The following EVI5 variants were observed in gnomAD, a reference collection of about 807,000 sequenced individuals.
The protein encoded by EVI5 is ecotropic viral integration site 5 protein homolog.
A neutral mutation model predicts 112.0 loss-of-function variants in EVI5; 73 were observed. The observed-to-expected ratio is 0.65, with a 90% CI of 0.54 to 0.79. EVI5 has a LOEUF of 0.79. Ranked by LOEUF, EVI5 falls within the 30% of genes least tolerant of loss-of-function variation. The pLI is 0.00. For synonymous variants in EVI5, 305 were observed against 319.9 expected (o/e 0.95, Z 0.50); for missense variants, 900 against 968.8 (o/e 0.93, Z 0.94).
intron 9 of EVI5, among the ~76,000 whole-genome samples, chr1:92,686,480 T>G (rs1292121810): frequency 6.6e-6 from 1 of 152,206 alleles, no homozygotes; most frequent in Non-Finnish European, 1.5e-5. Flanking sequence ...TTTGAAAACC[T>G]GCACAAGGCA....
intron 19 of EVI5, among the ~76,000 whole-genome samples, chr1:92,514,450 C>G (rs1418339592): frequency 6.6e-6 from 1 of 152,144 alleles, no homozygotes; most frequent in Admixed American, 6.6e-5. Context: ...GCCACCACAC[C>G]TGGCCTGTAA....
chr1:92,560,454 A>G (rs1365992786), intron 19 of EVI5, among the ~76,000 whole-genome samples: 1 of 152,232 alleles, frequency 6.6e-6, no homozygotes, highest in Non-Finnish European at 1.5e-5. Context: ...GGACCTAGGT[A>G]GTACCTACAT....
At chr1:92,688,411 TTGCTCTCTCAGGGGA>T (rs1333757605) in intron 9 of EVI5, among the ~76,000 whole-genome samples, 1 of 152,158 alleles carries the variant, frequency 6.6e-6, no homozygotes, top group Non-Finnish European at 1.5e-5. Context: ...TTTTCTTGCT[TTGCTCTCTCAGGGGA>T]TGCTCTCTCA....
chr1:92,587,818 A>G (rs1446422811), intron 18 of EVI5, among the ~76,000 whole-genome samples: 1 of 152,234 alleles, frequency 6.6e-6, no homozygotes, highest in Non-Finnish European at 1.5e-5. Flanking sequence ...CATTACTTGT[A>G]ACAAAGTGGC....
Position 92,583,599 on chromosome 1 carries a change from GA to G in EVI5, c.2071-19863del, listed in dbSNP as rs201592558. On this transcript the variant is annotated intron_variant, in intron 18 of 19. Coordinates refer to ENST00000684568, the MANE Select transcript of EVI5 (RefSeq NM_001350197.2). Reference sequence around the variant, plus strand: ...AATACAAAGAAATCTAAAATAGAAGGAAAAAATCAGAATAGGAATAAAATTT... The same window carrying G: ...AATACAAAGAAATCTAAAATAGAAGGAAAAATCAGAATAGGAATAAAATTT... 6.8e-3 allele frequency among the ~76,000 whole-genome samples: 1,018 copies of G among 149,910 alleles called. 19 individuals are homozygous for G. The highest frequency in any genetic ancestry group is 0.024 in the African/African-American group (973 of 40,832).
chr1:92,547,989 T>C (rs1666068929), intron 19 of EVI5, among the ~76,000 whole-genome samples: 1 of 152,172 alleles, frequency 6.6e-6, no homozygotes, highest in African/African-American at 2.4e-5. Context: ...CCTCCCTAAC[T>C]CATTTTATGA....
intron 18 of EVI5, among the ~76,000 whole-genome samples, chr1:92,581,654 G>A (rs1168596975): frequency 6.7e-6 from 1 of 149,766 alleles, no homozygotes; most frequent in Non-Finnish European, 1.5e-5. Flanking sequence ...ATTAGGTTAT[G>A]TTCCTTTTCC....
chr1:92,593,242 C>G (rs1301821027), intron 18 of EVI5, among the ~76,000 whole-genome samples: 1 of 152,118 alleles, frequency 6.6e-6, no homozygotes, highest in African/African-American at 2.4e-5. Flanking sequence ...GGGTTTCATC[C>G]CTGGGATGCA....
chr1:92,589,183 C>T (rs567282788), intron 18 of EVI5, among the ~76,000 whole-genome samples: 50 of 152,278 alleles, frequency 3.3e-4, no homozygotes, highest in African/African-American at 1.1e-3. Context: ...CAGCTCCCAG[C>T]GTGAGTGATG....
rs1037079999 is a variant in EVI5, at chr1:92,650,425, T to C, written c.1392+12294A>G. Reference sequence around the variant, plus strand: ...TCTTTACCTTCTTGGTTAAATTTATTCTTATGCATTTTATTCTTTTGGAAG... The same window carrying C: ...TCTTTACCTTCTTGGTTAAATTTATCCTTATGCATTTTATTCTTTTGGAAG... On this transcript the variant is annotated intron_variant, in intron 13 of 19. Transcript: ENST00000684568. 5.9e-5 allele frequency among the ~76,000 whole-genome samples: 9 copies of C among 151,386 alleles called. No homozygotes were observed. In the East Asian group the frequency reaches 1.8e-3, roughly 29 times the overall value.
intron 17 of EVI5, among the ~76,000 whole-genome samples, chr1:92,606,884 T>C (rs1210928144): frequency 2.7e-5 from 3 of 111,188 alleles, no homozygotes; most frequent in African/African-American, 3.9e-5. Context: ...TCTTTAGTTA[T>C]TTCACACACA....
At chr1:92,763,727 G>A (rs1187417700) in intron 1 of EVI5, among the ~76,000 whole-genome samples, 4 of 152,202 alleles carry the variant, frequency 2.6e-5, no homozygotes, top group Admixed American at 1.3e-4. Context: ...GAGGCCAAGA[G>A]TTTGAGGCTG....
chr1:92,689,291 C>T (rs562052626), intron 9 of EVI5, among the ~76,000 whole-genome samples: 2 of 151,792 alleles, frequency 1.3e-5, no homozygotes, highest in African/African-American at 4.8e-5. Context: ...CTTAATAATG[C>T]CCCCTGCTAC....
intron 1 of EVI5, among the ~76,000 whole-genome samples, chr1:92,748,736 G>A (rs1679713324): frequency 1.3e-5 from 2 of 151,974 alleles, no homozygotes; most frequent in Admixed American, 1.3e-4. Flanking sequence ...CTTGTCTATA[G>A]TGTGCTATGA....
At chr1:92,618,839 T>C (rs1653837412) in intron 16 of EVI5, among the ~76,000 whole-genome samples, 1 of 152,246 alleles carries the variant, frequency 6.6e-6, no homozygotes, top group African/African-American at 2.4e-5. Context: ...TGTATACATT[T>C]GTACTAAGAA....
chr1:92,555,637 C>G (rs1395856625), intron 19 of EVI5, among the ~76,000 whole-genome samples: 18 of 152,004 alleles, frequency 1.2e-4, no homozygotes, highest in African/African-American at 4.3e-4. Context: ...ACTGCCTGAG[C>G]TCAGGAGTTC....
chr1:92,598,349 A>G (rs1648384079), intron 18 of EVI5, among the ~76,000 whole-genome samples: 1 of 152,150 alleles, frequency 6.6e-6, no homozygotes, highest in African/African-American at 2.4e-5. Flanking sequence ...CCCCCATGAC[A>G]TGTGTTTATC....
At chr1:92,597,938 A>G (rs967918033) in intron 18 of EVI5, among the ~76,000 whole-genome samples, 2 of 152,196 alleles carry the variant, frequency 1.3e-5, no homozygotes, top group East Asian at 1.9e-4. Flanking sequence ...GTGCTCCTGT[A>G]GTCTCAGGTA....
chr1:92,710,086 C>CAAAAAAAAAAAA (rs71091297), intron 2 of EVI5, among the ~76,000 whole-genome samples: 7,915 of 82,092 alleles, frequency 0.096, 744 homozygotes, highest in East Asian at 0.31. Context: ...TATTGCAAAG[C>CAAAAAAAAAAAA]AAAAAAAAAA....
Sources: allele counts gnomAD v4.1 joint callset (sites outside exome capture counted in the v4.1 genomes callset), GRCh38; gene constraint gnomAD v4.1.1; transcripts MANE v1.5; gene names NCBI Gene and HGNC (gene_info 2026-07-23, HGNC 2026-07-21).